Variants in PTPRE observed in about 807,000 individuals in gnomAD.
PTPRE encodes receptor-type tyrosine-protein phosphatase epsilon.
PTPRE carries 51 observed loss-of-function variants against 102.0 expected under a neutral mutation model. The ratio of observed to expected loss-of-function variants is 0.50; its 90% CI spans 0.40 to 0.63. The LOEUF is 0.63. Among genes scored for constraint, PTPRE ranks in the 30% least tolerant of loss-of-function variants. The pLI, the probability that PTPRE is intolerant of heterozygous loss-of-function variation, is 0.00. For missense variants in PTPRE, 752 were observed against 915.1 expected, an observed-to-expected ratio of 0.82 and a Z score of 2.30; for synonymous variants, 345 against 348.2, an observed-to-expected ratio of 0.99 and a Z score of 0.10.
rs531934428 is a variant in PTPRE at position 128,061,110 on chromosome 10, C to T, written c.588+95C>T. On this transcript the variant is annotated intron_variant, in intron 8 of 20. Coordinates refer to ENST00000254667, the MANE Select transcript of PTPRE (RefSeq NM_006504.6). ...GTGCCCGGAGTGTAAATTGTCACAA[C>T]CTTTCTGGGCAGTTTGGCCACAAGC... is the stretch of plus-strand genomic sequence containing the variant. The T allele has an allele frequency of 1.4e-5, 17 of 1,255,174 alleles. No homozygotes were observed. The East Asian group carries it at 3.2e-4, about 23-fold the overall frequency. The allele number at this position is 1,255,174 out of a possible 1,614,324, so 77.8% of individuals were successfully genotyped here.
rs1848455280 is a variant in PTPRE, at chr10:127,944,285, G to A, written c.-31+36976G>A. Among the ~76,000 whole-genome samples the A allele has an allele frequency of 6.6e-6, 1 of 152,210 alleles. No homozygotes were observed. The highest frequency in any genetic ancestry group is 2.4e-5 in the African/African-American group (1 of 41,454). ...CACATGCAGCATGATAGTCAGGGATGGATGAGCACCTCTGGGAGGTACTTG... is the reference window on the plus strand; with the variant it reads ...CACATGCAGCATGATAGTCAGGGATAGATGAGCACCTCTGGGAGGTACTTG... On this transcript the variant is annotated intron_variant, in intron 1 of 20. Transcript: ENST00000254667. The surrounding 1 kb of genome is among the most constrained non-coding windows in gnomAD (Gnocchi z 4.2).
At chr10:127,912,536 A>AT in intron 1 of PTPRE, among the ~76,000 whole-genome samples, 1 of 152,324 alleles carries the variant, frequency 6.6e-6, no homozygotes, top group South Asian at 2.1e-4. Flanking sequence ...GAAAAAAAAA[A>AT]GATTCTTAGT....
intron 2 of PTPRE, 41 bp from the exon 3 acceptor site, chr10:128,040,834 G>C: frequency 6.5e-7 from 1 of 1,536,516 alleles, no homozygotes; most frequent in Non-Finnish European, 9.0e-7. Flanking sequence ...TCCCACAGCT[G>C]CTGCTGGATG....
chr10:127,953,143 GT>G (rs996858442), intron 1 of PTPRE, among the ~76,000 whole-genome samples: 1 of 152,250 alleles, frequency 6.6e-6, no homozygotes, highest in African/African-American at 2.4e-5. Flanking sequence ...AAAGCTGCTA[GT>G]TTTGAGTGTG....
intron 12 of PTPRE, chr10:128,068,593 T>C (rs1004950687): frequency 1.3e-5 from 3 of 226,818 alleles, no homozygotes; most frequent in Non-Finnish European, 2.6e-5. Context: ...CCAAGTCACC[T>C]CTGGGAACCA....
chr10:128,027,148 C>T (rs1472705228), intron 2 of PTPRE, among the ~76,000 whole-genome samples: 1 of 152,196 alleles, frequency 6.6e-6, no homozygotes, highest in African/African-American at 2.4e-5. Context: ...TGAGGTGACG[C>T]TTAGGTTAGA....
chr10:128,061,811 ATT>A, intron 9 of PTPRE, 96 bp downstream of exon 9: 3 of 1,430,424 alleles, frequency 2.1e-6, no homozygotes, highest in African/African-American at 1.4e-5. Context: ...CTTATACTGG[ATT>A]TGTGTGTGTG....
chr10:127,980,397 T>C (rs1328026088), intron 1 of PTPRE, among the ~76,000 whole-genome samples: 1 of 152,026 alleles, frequency 6.6e-6, no homozygotes, highest in Non-Finnish European at 1.5e-5. Context: ...ATATATTGCC[T>C]CTAGTGGCTA....
intron 2 of PTPRE, among the ~76,000 whole-genome samples, chr10:127,995,431 T>C (rs1347887427): frequency 1.3e-5 from 2 of 152,100 alleles, no homozygotes; most frequent in Non-Finnish European, 2.9e-5. Flanking sequence ...TCTTACTAAA[T>C]GTATCCAGAA....
intron 1 of PTPRE, chr10:127,934,901 C>T (rs7077411): frequency 0.084 from 12,817 of 152,314 alleles, 728 homozygotes; most frequent in African/African-American, 0.15. Context: ...GGGGGCAGCG[C>T]CCCCTGGGAG....
At chr10:127,958,772 A>C (rs1576077) in intron 1 of PTPRE, among the ~76,000 whole-genome samples, 152,318 of 152,318 alleles carry the variant, frequency 1, 76,159 homozygotes, top group Non-Finnish European at 1. Flanking sequence ...GATTTAATTT[A>C]TTTCTTAAAT....
chr10:127,998,299 G>A (rs1207831939), intron 2 of PTPRE: 1 of 152,178 alleles, frequency 6.6e-6, no homozygotes, highest in Non-Finnish European at 1.5e-5. Context: ...AGAAAGCAAA[G>A]CAGCGACTGG....
Position 128,008,833 on chromosome 10 carries a change from C to T in PTPRE, c.-8+26537C>T, listed in dbSNP as rs567137251. ...TCATCCTGCCAGGGCCCCTGCTCCT[C>T]CTGTCACTGATGAATGCAGCCAGTC... On this transcript the variant is annotated intron_variant, in intron 2 of 20. Coordinates refer to ENST00000254667, the MANE Select transcript of PTPRE (RefSeq NM_006504.6). The surrounding 1 kb of genome is among the most constrained non-coding windows in gnomAD (Gnocchi z 4.0). Among the ~76,000 whole-genome samples the T allele has an allele frequency of 1.3e-5, 2 of 152,340 alleles. No homozygotes were observed. The highest frequency in any genetic ancestry group is 2.1e-4 in the South Asian group (1 of 4,828).
intron 5 of PTPRE, among the ~76,000 whole-genome samples, chr10:128,049,107 G>A (rs1351477763): frequency 3.3e-5 from 5 of 152,126 alleles, no homozygotes; most frequent in East Asian, 1.9e-4. Flanking sequence ...GAGAGAGAAC[G>A]TTCTGAGTTT....
chr10:128,042,153 C>A (rs1011161050), intron 3 of PTPRE, among the ~76,000 whole-genome samples: 1 of 152,162 alleles, frequency 6.6e-6, no homozygotes, highest in Non-Finnish European at 1.5e-5. Context: ...TTATTTCAAC[C>A]CACAATCCCG....
At chr10:127,925,522 GA>G (rs1463945965) in intron 1 of PTPRE, among the ~76,000 whole-genome samples, 1 of 152,200 alleles carries the variant, frequency 6.6e-6, no homozygotes, top group Non-Finnish European at 1.5e-5. Flanking sequence ...AATCAATAGT[GA>G]AGCTGGAGAA....
At chr10:127,984,392 TC>T (rs1391417968) in intron 2 of PTPRE, among the ~76,000 whole-genome samples, 13 of 152,142 alleles carry the variant, frequency 8.5e-5, no homozygotes, top group Non-Finnish European at 1.9e-4. Flanking sequence ...TGCCTCCATT[TC>T]AGTGGGAAAG....
chr10:128,049,452 T>C (rs1848370641), intron 5 of PTPRE, 78 bp from the exon 6 acceptor site: 9 of 1,526,658 alleles, frequency 5.9e-6, no homozygotes, highest in Non-Finnish European at 7.2e-6. Flanking sequence ...TTCAGGAATG[T>C]CGTTGGTCAG....
chr10:128,066,629 A>T (rs1048840480), intron 11 of PTPRE, among the ~76,000 whole-genome samples: 13 of 152,236 alleles, frequency 8.5e-5, no homozygotes, highest in African/African-American at 3.1e-4. Flanking sequence ...AAAAGGTTTA[A>T]GAGAGAGATC....
Sources: gnomAD v4.1 joint callset for allele counts (sites outside exome capture counted in the v4.1 genomes callset) on GRCh38, gnomAD v4.1.1 for gene constraint, Gnocchi (gnomAD v3.1) non-coding constraint, MANE v1.5 for transcripts, NCBI Gene and HGNC (gene_info 2026-07-23, HGNC 2026-07-21) for gene names.